The following KSR2 variants were observed in gnomAD, a reference collection of about 807,000 sequenced individuals.
The protein encoded by KSR2 is kinase suppressor of ras 2.
KSR2 carries 25 observed loss-of-function variants against 107.8 expected under a neutral mutation model. That is an observed-to-expected ratio of 0.23 (90% CI 0.17 to 0.32). The LOEUF (loss-of-function observed/expected upper bound fraction) is 0.32. Ranked by LOEUF, KSR2 falls within the 10% of genes least tolerant of loss-of-function variation. KSR2 has a pLI of 1.00. For missense variants in KSR2, 887 were observed against 1,268.9 expected, an observed-to-expected ratio of 0.70 and a Z score of 4.57; for synonymous variants, 480 against 507.0, an observed-to-expected ratio of 0.95 and a Z score of 0.71.
intron 1 of KSR2, among the ~76,000 whole-genome samples, chr12:117,871,777 T>A (rs1239569167): frequency 2.6e-5 from 4 of 152,028 alleles, no homozygotes; most frequent in African/African-American, 9.7e-5. Flanking sequence ...TAGGTGAAAT[T>A]TATTTTCTTA....
At chr12:117,871,453 G>A (rs553561311) in intron 1 of KSR2, among the ~76,000 whole-genome samples, 2 of 152,200 alleles carry the variant, frequency 1.3e-5, no homozygotes, top group East Asian at 1.9e-4. Context: ...GCCGGGTGTG[G>A]TGGCGTACAC....
At chr12:117,610,940 C>T (rs907440575) in intron 5 of KSR2, among the ~76,000 whole-genome samples, 1 of 151,792 alleles carries the variant, frequency 6.6e-6, no homozygotes, top group Non-Finnish European at 1.5e-5. Flanking sequence ...TGCAATAAAC[C>T]ATAGTATTGT....
In KSR2 at chr12:117,455,826, G is replaced by A. The variant is rs1424216315; in HGVS notation, c.*11373C>T. 1 of 152,116 alleles carries A rather than the reference G, an allele frequency of 6.6e-6. No homozygotes were observed. Among genetic ancestry groups the A allele is most frequent in the African/African-American group, 2.4e-5 (1 of 41,428 alleles). The allele number at this position is 152,116 out of a possible 1,614,324, so 9.4% of individuals were successfully genotyped here. A position where few individuals can be genotyped will look rare whatever the true frequency, so the allele number is the denominator to read the frequency against. On this transcript the variant is annotated 3_prime_UTR_variant, in exon 20 of 20. Coordinates refer to ENST00000339824, the MANE Select transcript of KSR2 (RefSeq NM_173598.6). ...ATCCACCAATGTACCCAAAAATAGG[G>A]CTATGAGGAAACTAGAGGACCGGGG... is the stretch of plus-strand genomic sequence containing the variant.
At chr12:117,577,367 G>C (rs1214646298) in intron 7 of KSR2, among the ~76,000 whole-genome samples, 4 of 103,334 alleles carry the variant, frequency 3.9e-5, no homozygotes, top group African/African-American at 1.7e-4. Context: ...GAGAGAGAGA[G>C]GGGGGGAGAG....
At chr12:117,935,212 T>C (rs147280982) in intron 1 of KSR2, among the ~76,000 whole-genome samples, 5 of 151,950 alleles carry the variant, frequency 3.3e-5, no homozygotes, top group African/African-American at 1.2e-4. Flanking sequence ...CACAGCTCAC[T>C]GCAGCCTTGA....
chr12:117,471,016 T>C (rs1871420110), intron 18 of KSR2, among the ~76,000 whole-genome samples, 175 bp downstream of exon 18: 1 of 152,218 alleles, frequency 6.6e-6, no homozygotes, highest in Non-Finnish European at 1.5e-5. Context: ...GCAGGCACAG[T>C]GCAGCAGCCT....
chr12:117,700,979 T>C (rs1298079920), intron 4 of KSR2, among the ~76,000 whole-genome samples: 2 of 152,222 alleles, frequency 1.3e-5, no homozygotes, highest in African/African-American at 4.8e-5. Context: ...GCCACCATTA[T>C]CTCTTGCTAG....
At chr12:117,568,314 G>C (rs1480258920) in intron 7 of KSR2, among the ~76,000 whole-genome samples, 1 of 152,174 alleles carries the variant, frequency 6.6e-6, no homozygotes, top group Non-Finnish European at 1.5e-5. Flanking sequence ...AAGGATGATG[G>C]GAGCATGTGG....
intron 3 of KSR2, among the ~76,000 whole-genome samples, chr12:117,790,918 GTC>G (rs1890228360): frequency 1.3e-5 from 2 of 151,996 alleles, no homozygotes; most frequent in Non-Finnish European, 2.9e-5. Context: ...CTCCCAACTG[GTC>G]TCTCTGACTC....
chr12:117,552,343 A>G (rs1325435831), intron 9 of KSR2, among the ~76,000 whole-genome samples: 6 of 152,192 alleles, frequency 3.9e-5, no homozygotes, highest in Admixed American at 3.9e-4. Flanking sequence ...CATGACTACA[A>G]ATCCGTGGAC....
chr12:117,844,126 T>A (rs1215562688), intron 3 of KSR2, among the ~76,000 whole-genome samples: 1 of 152,082 alleles, frequency 6.6e-6, no homozygotes, highest in Non-Finnish European at 1.5e-5. Context: ...CTCCTTGGGA[T>A]GTGTGTTGTG....
intron 14 of KSR2, among the ~76,000 whole-genome samples, chr12:117,508,541 T>C (rs945439546): frequency 6.6e-6 from 1 of 151,732 alleles, no homozygotes; most frequent in Non-Finnish European, 1.5e-5. Flanking sequence ...ATTAAACAGA[T>C]GGGTGGGTAG....
chr12:117,668,749 T>C (rs1385098217), intron 4 of KSR2, among the ~76,000 whole-genome samples: 1 of 152,158 alleles, frequency 6.6e-6, no homozygotes, highest in Non-Finnish European at 1.5e-5. Context: ...TATTATATTA[T>C]GGATATCTGT....
intron 10 of KSR2, among the ~76,000 whole-genome samples, chr12:117,538,766 C>A (rs545203799): frequency 6.6e-6 from 1 of 152,186 alleles, no homozygotes; most frequent in Non-Finnish European, 1.5e-5. Context: ...ATGTAAATAG[C>A]CACACATGGC....
At chr12:117,906,551 A>G (rs1037804982) in intron 1 of KSR2, among the ~76,000 whole-genome samples, 1 of 151,934 alleles carries the variant, frequency 6.6e-6, no homozygotes, top group Non-Finnish European at 1.5e-5. Context: ...GGTTGCAGTT[A>G]GCCAAGATCA....
chr12:117,584,721 C>T (rs1329594837), intron 5 of KSR2, among the ~76,000 whole-genome samples: 1 of 152,098 alleles, frequency 6.6e-6, no homozygotes, highest in African/African-American at 2.4e-5. Context: ...TTGCTGAATC[C>T]AAGATTATTA....
chr12:117,517,479 T>C (rs892211183), intron 14 of KSR2, among the ~76,000 whole-genome samples: 3 of 152,226 alleles, frequency 2.0e-5, no homozygotes, highest in African/African-American at 4.8e-5. Context: ...TCACACGTGC[T>C]AATTCAGGAT....
intron 5 of KSR2, among the ~76,000 whole-genome samples, chr12:117,654,891 T>C (rs1467962113): frequency 6.6e-6 from 1 of 152,200 alleles, no homozygotes; most frequent in Non-Finnish European, 1.5e-5. Flanking sequence ...CATTGCCCAA[T>C]GTGCCCATGA....
chr12:117,593,286 C>T (rs187514420), intron 5 of KSR2, among the ~76,000 whole-genome samples: 17 of 152,320 alleles, frequency 1.1e-4, no homozygotes, highest in African/African-American at 3.8e-4. Context: ...AATGTCCCTG[C>T]GAAGGGAGAA....
Sources: allele counts gnomAD v4.1 joint callset (sites outside exome capture counted in the v4.1 genomes callset), GRCh38; gene constraint gnomAD v4.1.1; transcripts MANE v1.5; gene names NCBI Gene and HGNC (gene_info 2026-07-23, HGNC 2026-07-21).